The following COL8A1 variants were observed in gnomAD, a reference collection of about 807,000 sequenced individuals.
The protein encoded by COL8A1 is collagen type VIII alpha 1 chain, also known as collagen alpha-1(VIII) chain.
A neutral mutation model predicts 42.7 loss-of-function variants in COL8A1; 21 were observed. The ratio of observed to expected loss-of-function variants is 0.49; its 90% CI spans 0.35 to 0.71. COL8A1 has a LOEUF of 0.71. Among genes scored for constraint, COL8A1 ranks in the 30% least tolerant of loss-of-function variants. COL8A1 has a pLI of 0.01. For missense variants in COL8A1, 788 were observed against 962.4 expected, an observed-to-expected ratio of 0.82 and a Z score of 2.40; for synonymous variants, 367 against 369.1, an observed-to-expected ratio of 0.99 and a Z score of 0.06.
In COL8A1 at chr3:99,795,700, C is replaced by T; in HGVS notation, c.1799C>T (p.Ala600Val). ...ATTGATGGCGTGAAACCCCCCCATGCCTACGGGGCTAAGAAAGGCAAGAAT... is the reference window on the plus strand; with the variant it reads ...ATTGATGGCGTGAAACCCCCCCATGTCTACGGGGCTAAGAAAGGCAAGAAT... The part of the protein sequence containing the change: ...LGIDGVKPPH[A>V]YGAKKGKNGG... The change falls in exon 4 of 4, where the codon GCC becomes GTC. Residue 600 changes from alanine (A) to valine (V), a missense_variant. Ala to Val is a moderately conservative substitution (Grantham distance 64). Coordinates refer to ENST00000652472, the MANE Select transcript of COL8A1 (RefSeq NM_020351.4). The T allele has an allele frequency of 6.2e-7, 1 of 1,614,098 alleles. No homozygotes were observed. The highest frequency in any genetic ancestry group is 2.2e-5 in the East Asian group (1 of 44,876).
At chr3:99,665,673 C>CTTTTTTTT (rs67004417) in intron 1 of COL8A1, among the ~76,000 whole-genome samples, 6 of 70,220 alleles carry the variant, frequency 8.5e-5, no homozygotes, top group Admixed American at 1.9e-4. Context: ...TGAATTAATT[C>CTTTTTTTT]TTTTTTTTTT....
chr3:99,709,039 C>T (rs557557913), intron 1 of COL8A1, among the ~76,000 whole-genome samples: 7 of 150,392 alleles, frequency 4.7e-5, no homozygotes, highest in African/African-American at 1.5e-4. Flanking sequence ...ACCCCCGCCC[C>T]GACCAAGGAA....
At chr3:99,774,525 C>G (rs578184463) in intron 2 of COL8A1, among the ~76,000 whole-genome samples, 2 of 152,054 alleles carry the variant, frequency 1.3e-5, no homozygotes. Context: ...CAGAAGAAGC[C>G]TAATCACATG....
intron 1 of COL8A1, among the ~76,000 whole-genome samples, chr3:99,684,086 G>A (rs1281027556): frequency 2.6e-5 from 4 of 152,096 alleles, no homozygotes; most frequent in African/African-American, 9.7e-5. Flanking sequence ...GTGCTCTCGG[G>A]TCTGAAATCC....
chr3:99,692,584 A>G (rs1258530494), intron 1 of COL8A1, among the ~76,000 whole-genome samples: 2 of 152,222 alleles, frequency 1.3e-5, no homozygotes, highest in Non-Finnish European at 2.9e-5. Context: ...ATCACACTGC[A>G]TTTGGCCTTA....
At chr3:99,758,489 C>A (rs1004253648) in intron 2 of COL8A1, among the ~76,000 whole-genome samples, 1 of 152,126 alleles carries the variant, frequency 6.6e-6, no homozygotes, top group Non-Finnish European at 1.5e-5. Context: ...GCAGTGCGGG[C>A]AATTGGTTAT....
intron 1 of COL8A1, among the ~76,000 whole-genome samples, chr3:99,660,695 C>T (rs1415081367): frequency 6.6e-6 from 1 of 152,108 alleles, no homozygotes; most frequent in Non-Finnish European, 1.5e-5. Context: ...AGTAAATCAC[C>T]TGAGGTATAA....
At chr3:99,731,133 G>A (rs1940494542) in intron 1 of COL8A1, among the ~76,000 whole-genome samples, 1 of 152,170 alleles carries the variant, frequency 6.6e-6, no homozygotes, top group East Asian at 1.9e-4. Context: ...AAGAACGATA[G>A]GGGTTGAGAC....
intron 1 of COL8A1, among the ~76,000 whole-genome samples, chr3:99,717,552 C>T (rs1364067887): frequency 1.3e-5 from 2 of 151,974 alleles, no homozygotes; most frequent in Non-Finnish European, 2.9e-5. Context: ...ATCTTAACTG[C>T]TCAGAGTGCC....
Position 99,790,582 on chromosome 3 carries a change from A to T in COL8A1, c.-3-98A>T. On this transcript the variant is annotated intron_variant, in intron 2 of 3. Coordinates refer to ENST00000652472, the MANE Select transcript of COL8A1 (RefSeq NM_020351.4). Reference sequence around the variant, plus strand: ...CTATCATGAAGTTCTGATGTTAAAGACTGTTTCCCTTTTTTTTCCCCATTC... The same window carrying T: ...CTATCATGAAGTTCTGATGTTAAAGTCTGTTTCCCTTTTTTTTCCCCATTC... The T allele has an allele frequency of 5.5e-6, 5 of 904,860 alleles. 1 individual carries two copies. In the South Asian group the frequency reaches 6.9e-5, roughly 12 times the overall value. 56.1% of individuals were successfully genotyped at this position (904,860 alleles called of 1,614,324 possible).
At chr3:99,722,930 T>C (rs931565928) in intron 1 of COL8A1, among the ~76,000 whole-genome samples, 2 of 151,968 alleles carry the variant, frequency 1.3e-5, no homozygotes, top group Non-Finnish European at 2.9e-5. Context: ...CTCATGAAAT[T>C]ACTTATGGAA....
At chr3:99,683,976 T>C (rs1205961547) in intron 1 of COL8A1, among the ~76,000 whole-genome samples, 1 of 152,104 alleles carries the variant, frequency 6.6e-6, no homozygotes, top group African/African-American at 2.4e-5. Context: ...TTTTAGTTTG[T>C]TTGTTTGTTT....
intron 2 of COL8A1, among the ~76,000 whole-genome samples, chr3:99,789,380 TTCTC>T (rs148204843): frequency 4.6e-4 from 70 of 151,490 alleles, no homozygotes; most frequent in African/African-American, 1.5e-3. Context: ...AATTTGCCAC[TTCTC>T]TCTCTCTCTC....
intron 2 of COL8A1, among the ~76,000 whole-genome samples, chr3:99,788,640 G>A (rs1941941207): frequency 6.6e-6 from 1 of 152,096 alleles, no homozygotes; most frequent in Non-Finnish European, 1.5e-5. Flanking sequence ...AAAGACTTAA[G>A]GGAACATCCA....
rs1166576766 is a variant in COL8A1, at chr3:99,795,668, G to T, written c.1767G>T (p.Gly589=). 2 of 1,614,068 alleles carry T rather than the reference G, an allele frequency of 1.2e-6. No homozygotes were observed. The highest frequency in any genetic ancestry group is 1.7e-6 in the Non-Finnish European group (2 of 1,179,982). Residue 589 remains glycine (G), a synonymous_variant, in exon 4 of 4, where the codon GGG becomes GGT. Coordinates refer to ENST00000652472, the MANE Select transcript of COL8A1 (RefSeq NM_020351.4). ...PPQGEYLPDM[G]LGIDGVKPPH... ...AGGGAGAGTATCTGCCAGATATGGG[G>T]CTGGGAATTGATGGCGTGAAACCCC...
intron 1 of COL8A1, among the ~76,000 whole-genome samples, chr3:99,738,944 C>T (rs572176789): frequency 2.6e-5 from 4 of 152,238 alleles, no homozygotes; most frequent in Admixed American, 2.6e-4. Context: ...TTTTTTAAGC[C>T]CGTCAGAAAA....
At chr3:99,649,904 T>C (rs930825087) in intron 1 of COL8A1, among the ~76,000 whole-genome samples, 4 of 152,172 alleles carry the variant, frequency 2.6e-5, no homozygotes, top group Admixed American at 2.6e-4. Context: ...ATATTGGTGC[T>C]CCATATACCA....
chr3:99,777,129 C>A (rs1941708855), intron 2 of COL8A1, among the ~76,000 whole-genome samples: 1 of 152,152 alleles, frequency 6.6e-6, no homozygotes. Flanking sequence ...CCTGGGAATG[C>A]AGCCCAGTAG....
At chr3:99,715,524 G>C (rs1052290869) in intron 1 of COL8A1, among the ~76,000 whole-genome samples, 1 of 151,996 alleles carries the variant, frequency 6.6e-6, no homozygotes, top group African/African-American at 2.4e-5. Flanking sequence ...GAGGTAGAAT[G>C]AGTTAACTGT....
Sources: gnomAD v4.1 joint callset for allele counts (sites outside exome capture counted in the v4.1 genomes callset) on GRCh38, gnomAD v4.1.1 for gene constraint, MANE v1.5 for transcripts, NCBI Gene and HGNC (gene_info 2026-07-23, HGNC 2026-07-21) for gene names.